The following DOCK9 variants were observed in gnomAD, a reference collection of about 807,000 sequenced individuals.
DOCK9 encodes dedicator of cytokinesis protein 9.
Under a neutral mutation model 263.3 loss-of-function variants are expected in DOCK9, and 89 were observed. The ratio of observed to expected loss-of-function variants is 0.34; its 90% confidence interval spans 0.28 to 0.40. The LOEUF is 0.40. Among genes scored for constraint, DOCK9 ranks in the 10% least tolerant of loss-of-function variants. The probability of loss-of-function intolerance (pLI) is 1.00; values close to 1 mark genes in which losing one functional copy is unlikely to be tolerated. For missense variants in DOCK9, 2,140 were observed against 2,603.4 expected, an observed-to-expected ratio of 0.82 and a Z score of 3.87; for synonymous variants, 976 against 973.1, an observed-to-expected ratio of 1.00 and a Z score of -0.06.
chr13:98,987,462 G>C (rs1349248344), intron 1 of DOCK9, among the ~76,000 whole-genome samples: 1 of 152,200 alleles, frequency 6.6e-6, no homozygotes, highest in African/African-American at 2.4e-5. Flanking sequence ...CATCTACAAA[G>C]AGCTAGGTCT....
At chr13:98,800,256 TG>T (rs779020377) in intron 50 of DOCK9, 31 bp downstream of exon 50, 1 of 1,552,488 alleles carries the variant, frequency 6.4e-7, no homozygotes, top group South Asian at 1.2e-5. Context: ...GGACGTCCCC[TG>T]CTGCCCTCCG....
intron 1 of DOCK9, among the ~76,000 whole-genome samples, chr13:98,996,692 A>G (rs1407795928): frequency 6.6e-6 from 1 of 152,190 alleles, no homozygotes; most frequent in African/African-American, 2.4e-5. Context: ...AATTTTTTAA[A>G]AGCTCATCAG....
At chr13:98,901,683 G>C in intron 13 of DOCK9, 95 bp downstream of exon 13, 1 of 1,364,296 alleles carries the variant, frequency 7.3e-7, no homozygotes, top group South Asian at 1.5e-5. Flanking sequence ...TATAAATATG[G>C]CTTATGTTTG....
At chr13:98,809,503 A>G (rs757246231) in intron 46 of DOCK9, 38 bp from the exon 47 acceptor site, 1 of 1,505,616 alleles carries the variant, frequency 6.6e-7, no homozygotes, top group East Asian at 2.3e-5. Context: ...TCCCATGTGC[A>G]AAGAGGAGAA....
intron 1 of DOCK9, among the ~76,000 whole-genome samples, chr13:99,048,585 C>T (rs556992632): frequency 6.6e-5 from 10 of 152,304 alleles, no homozygotes; most frequent in African/African-American, 2.4e-4. Context: ...GTGCTTCTTC[C>T]AGTGTTTGCT....
intron 1 of DOCK9, among the ~76,000 whole-genome samples, chr13:99,056,437 C>A (rs901981705): frequency 6.6e-5 from 10 of 152,166 alleles, no homozygotes; most frequent in African/African-American, 1.9e-4. Context: ...ACATTAATAT[C>A]TTTAAAAAAG....
intron 38 of DOCK9, among the ~76,000 whole-genome samples, chr13:98,844,671 T>C (rs1462494273): frequency 6.6e-6 from 1 of 152,186 alleles, no homozygotes; most frequent in Non-Finnish European, 1.5e-5. Flanking sequence ...TGAGCCACCA[T>C]GCCCAGCCAA....
chr13:98,958,541 A>T (rs2058318754), intron 1 of DOCK9, among the ~76,000 whole-genome samples: 1 of 152,234 alleles, frequency 6.6e-6, no homozygotes. Context: ...ACAACTGGTA[A>T]ACTCTGCCAT....
chr13:98,804,593 G>GC (rs35713110), intron 49 of DOCK9, among the ~76,000 whole-genome samples: 59,388 of 151,936 alleles, frequency 0.39, 12,470 homozygotes, highest in East Asian at 0.62. Flanking sequence ...CGCTGAGCAG[G>GC]CCATGCTAGA....
chr13:98,883,583 A>G (rs1566840925), intron 22 of DOCK9, among the ~76,000 whole-genome samples: 3 of 152,196 alleles, frequency 2.0e-5, no homozygotes. Context: ...GTGTACAAAT[A>G]ACATCAAGAA....
Position 98,863,130 on chromosome 13 carries a change from G to C in DOCK9, c.3468C>G (p.Ser1156Arg). Residue 1156 changes from serine to arginine, a missense_variant and splice_region_variant, in exon 32 of 53, where the codon AGC becomes AGG. Ser to Arg is a moderately radical substitution (Grantham distance 110). This residue lies in a region of DOCK9 where 1,521 missense variants were observed against 1,741.7 expected (regional missense o/e 0.87). Coordinates refer to ENST00000682017, the MANE Select transcript of DOCK9 (RefSeq NM_001366683.2). ...AGAGGGTGGCTATCCTTGCCTGATG[G>C]CTCTGAAAAGAAGACACACATGGTA... ...HSFDDRYASR[S>R]HQARIATLYL... is the part of the protein sequence containing the mutation. 6.2e-7 allele frequency: 1 copy of C among 1,601,358 alleles called. No homozygotes were observed. Among genetic ancestry groups the C allele is most frequent in the Non-Finnish European group, 8.5e-7 (1 of 1,173,532 alleles).
At chr13:99,017,616 C>T (rs1391993727) in intron 1 of DOCK9, among the ~76,000 whole-genome samples, 2 of 152,100 alleles carry the variant, frequency 1.3e-5, no homozygotes, top group Non-Finnish European at 1.5e-5. Context: ...ACCCTCCATT[C>T]GTGTTTAAAA....
intron 9 of DOCK9, among the ~76,000 whole-genome samples, chr13:98,913,888 C>T (rs1363510392): frequency 3.3e-5 from 5 of 151,858 alleles, no homozygotes; most frequent in East Asian, 1.9e-4. Flanking sequence ...AAGAGTGACC[C>T]GAAACAATTT....
intron 22 of DOCK9, 81 bp downstream of exon 22, chr13:98,883,732 T>A (rs1164102701): frequency 3.6e-6 from 3 of 831,500 alleles, no homozygotes; most frequent in Non-Finnish European, 5.6e-6. Context: ...ATATAACACA[T>A]TAGGATTTTT....
In DOCK9 at chr13:98,904,684, T is replaced by A; in HGVS notation, c.983A>T (p.Lys328Ile). 3 of 1,556,904 alleles carry A rather than the reference T, an allele frequency of 1.9e-6. No homozygotes were observed. The highest frequency in any genetic ancestry group is 2.6e-6 in the Non-Finnish European group (3 of 1,149,106). Residue 328 changes from lysine to isoleucine, a missense_variant, in exon 10 of 53, where the codon AAA becomes ATA. This residue lies in a region of DOCK9 where 1,521 missense variants were observed against 1,741.7 expected (regional missense o/e 0.87). Transcript: ENST00000682017. The stretch of plus-strand genomic sequence containing the variant: ...TTTGACTCTGCTTTCACTTTTCAGT[T>A]TGATTTCTGCTTCTCTTGCACTCTG... ...LAKSAREAEI[K>I]LKSESRVKLF...
At chr13:98,855,073 T>C (rs2093672234) in intron 34 of DOCK9, among the ~76,000 whole-genome samples, 2 of 152,234 alleles carry the variant, frequency 1.3e-5, no homozygotes, top group Non-Finnish European at 2.9e-5. Flanking sequence ...TCCTACAAAG[T>C]TCCAAATGGT....
At chr13:98,999,576 C>T (rs1457881273) in intron 1 of DOCK9, among the ~76,000 whole-genome samples, 2 of 152,090 alleles carry the variant, frequency 1.3e-5, no homozygotes, top group South Asian at 4.2e-4. Flanking sequence ...TAAAACTTAT[C>T]CTCAGTGTTT....
At chr13:98,866,235 T>C (rs1027517287) in intron 30 of DOCK9, among the ~76,000 whole-genome samples, 4 of 152,176 alleles carry the variant, frequency 2.6e-5, no homozygotes, top group Admixed American at 6.5e-5. Context: ...CCGGGGATTG[T>C]CATCCAGGTG....
At chr13:98,864,389 G>A (rs1433506769) in intron 30 of DOCK9, among the ~76,000 whole-genome samples, 1 of 152,174 alleles carries the variant, frequency 6.6e-6, no homozygotes, top group Non-Finnish European at 1.5e-5. Context: ...GCTGAAGCTA[G>A]GTTGTGAATT....
Sources: allele counts gnomAD v4.1 joint callset (sites outside exome capture counted in the v4.1 genomes callset), GRCh38; gene constraint gnomAD v4.1.1; regional missense constraint gnomAD v4.1.1; transcripts MANE v1.5; gene names NCBI Gene and HGNC (gene_info 2026-07-23, HGNC 2026-07-21).